VPS13B: variants seen among roughly 807,000 people sequenced by gnomAD.
VPS13B encodes vacuolar protein sorting 13 homolog B.
Under a neutral mutation model 426.4 loss-of-function variants are expected in VPS13B, and 285 were observed. The observed-to-expected ratio is 0.67, with a 90% CI of 0.61 to 0.74. VPS13B has a LOEUF of 0.74. VPS13B is among the 30% of genes least tolerant of loss of function. VPS13B has a pLI of 0.00. For synonymous variants in VPS13B, 1,676 were observed against 1,676.4 expected (o/e 1.00, Z 0.01); for missense variants, 4,537 against 4,782.6 (o/e 0.95, Z 1.51).
At chr8:99,744,937 A>T (rs536361284) in intron 39 of VPS13B, among the ~76,000 whole-genome samples, 17 of 152,082 alleles carry the variant, frequency 1.1e-4, no homozygotes, top group East Asian at 1.9e-4. Flanking sequence ...AACCTGCACA[A>T]TGTGCACATG....
intron 36 of VPS13B, among the ~76,000 whole-genome samples, chr8:99,707,564 A>G (rs752490599): frequency 3.8e-4 from 58 of 152,196 alleles, no homozygotes; most frequent in Non-Finnish European, 8.2e-4. Flanking sequence ...TTAGTATTAG[A>G]TAACTAACTA....
intron 19 of VPS13B, among the ~76,000 whole-genome samples, chr8:99,363,766 ATTGT>A (rs1310129815): frequency 6.6e-5 from 10 of 152,206 alleles, no homozygotes; most frequent in African/African-American, 2.2e-4. Flanking sequence ...TTTTTCAAAG[ATTGT>A]TTGCTGTTGG....
At chr8:99,070,495 C>G (rs1448624018) in intron 3 of VPS13B, among the ~76,000 whole-genome samples, 1 of 152,164 alleles carries the variant, frequency 6.6e-6, no homozygotes, top group Non-Finnish European at 1.5e-5. Context: ...AAGTATTTGA[C>G]TGCTTATGGC....
chr8:99,048,852 G>C (rs903293596), intron 3 of VPS13B, among the ~76,000 whole-genome samples: 2 of 150,986 alleles, frequency 1.3e-5, no homozygotes, highest in African/African-American at 4.9e-5. Flanking sequence ...CCAGTGTTAA[G>C]TGCATATGTA....
intron 2 of VPS13B, among the ~76,000 whole-genome samples, chr8:99,029,261 G>A (rs1842368778): frequency 6.6e-6 from 1 of 150,386 alleles, no homozygotes; most frequent in Non-Finnish European, 1.5e-5. Context: ...AGATGGGATG[G>A]CGGCCGGGCA....
At chr8:99,507,983 A>G in intron 28 of VPS13B, 7 of 1,601,908 alleles carry the variant, frequency 4.4e-6, no homozygotes, top group Non-Finnish European at 5.1e-6. Context: ...TGAATGATTC[A>G]TAGAGTCAAC....
intron 54 of VPS13B, among the ~76,000 whole-genome samples, chr8:99,839,593 C>T (rs927441053): frequency 1.3e-5 from 2 of 152,160 alleles, no homozygotes; most frequent in Non-Finnish European, 2.9e-5. Flanking sequence ...AGGAGCAAGC[C>T]GGAGCCTAAA....
chr8:99,292,571 A>G (rs1480795411), intron 19 of VPS13B, among the ~76,000 whole-genome samples: 1 of 152,130 alleles, frequency 6.6e-6, no homozygotes, highest in African/African-American at 2.4e-5. Flanking sequence ...TTGTAGCTGA[A>G]AAGATCATGT....
chr8:99,205,577 A>G (rs887131844), intron 17 of VPS13B, among the ~76,000 whole-genome samples: 1 of 152,082 alleles, frequency 6.6e-6, no homozygotes, highest in Non-Finnish European at 1.5e-5. Flanking sequence ...AGCATTTTTC[A>G]TCTAGTGAGC....
intron 14 of VPS13B, among the ~76,000 whole-genome samples, chr8:99,150,070 A>G (rs1202255977): frequency 6.6e-6 from 1 of 152,202 alleles, no homozygotes; most frequent in East Asian, 1.9e-4. Context: ...GGAATTAACT[A>G]TATGCATTAA....
intron 21 of VPS13B, among the ~76,000 whole-genome samples, chr8:99,428,901 C>G (rs974400086): frequency 6.6e-6 from 1 of 152,048 alleles, no homozygotes; most frequent in Non-Finnish European, 1.5e-5. Context: ...CAATGATAGA[C>G]TGGATTAAGA....
intron 3 of VPS13B, among the ~76,000 whole-genome samples, chr8:99,086,685 C>T (rs537647277): frequency 2.2e-4 from 33 of 152,274 alleles, no homozygotes; most frequent in African/African-American, 6.3e-4. Flanking sequence ...ACAGTCAGGA[C>T]CCTCAGCTGC....
chr8:99,242,279 A>G (rs11784152), intron 17 of VPS13B, among the ~76,000 whole-genome samples: 111,080 of 152,096 alleles, frequency 0.73, 41,152 homozygotes, highest in Middle Eastern at 0.83. Flanking sequence ...CCACCGCGCC[A>G]GGCCCATATA....
intron 33 of VPS13B, among the ~76,000 whole-genome samples, chr8:99,590,835 G>A (rs1230357874): frequency 1.3e-5 from 2 of 152,124 alleles, no homozygotes; most frequent in Non-Finnish European, 2.9e-5. Context: ...GAGGAGTTAC[G>A]TAGATGTCTA....
chr8:99,471,599 A>G (rs1819409067), intron 24 of VPS13B, among the ~76,000 whole-genome samples: 1 of 152,184 alleles, frequency 6.6e-6, no homozygotes, highest in South Asian at 2.1e-4. Context: ...GATGGGAAAA[A>G]GTAACAAAGG....
intron 17 of VPS13B, among the ~76,000 whole-genome samples, chr8:99,238,441 T>C (rs538270913): frequency 6.6e-6 from 1 of 152,244 alleles, no homozygotes; most frequent in Admixed American, 6.5e-5. Context: ...GGGGCAAGCT[T>C]AGGTGAAGGA....
At chr8:99,464,853 T>C in intron 23 of VPS13B, among the ~76,000 whole-genome samples, 1 of 152,194 alleles carries the variant, frequency 6.6e-6, no homozygotes, top group East Asian at 1.9e-4. Flanking sequence ...TTGGTCATCA[T>C]TTTCTTGAGA....
At chr8:99,489,848 A>C (rs1311633478) in intron 25 of VPS13B, among the ~76,000 whole-genome samples, 1 of 152,198 alleles carries the variant, frequency 6.6e-6, no homozygotes, top group East Asian at 1.9e-4. Context: ...GTCATCTGCA[A>C]ACAAGGACAA....
At chr8:99,335,764 A>G (rs1162447982) in intron 19 of VPS13B, among the ~76,000 whole-genome samples, 1 of 152,178 alleles carries the variant, frequency 6.6e-6, no homozygotes, top group African/African-American at 2.4e-5. Context: ...CCCACTCACA[A>G]TTGCTTCAAA....
Sources: gnomAD v4.1 joint callset for allele counts (sites outside exome capture counted in the v4.1 genomes callset) on GRCh38, gnomAD v4.1.1 for gene constraint, MANE v1.5 for transcripts, NCBI Gene and HGNC (gene_info 2026-07-23, HGNC 2026-07-21) for gene names.